Variants in ADD1 observed in about 807,000 individuals in gnomAD.
The protein encoded by ADD1 is adducin 1, also known as alpha-adducin.
ADD1 carries 24 observed loss-of-function variants against 80.5 expected under a neutral mutation model. The observed-to-expected ratio is 0.30, with a 90% confidence interval of 0.22 to 0.42. ADD1 has a LOEUF of 0.42. ADD1 is among the 10% of genes least tolerant of loss of function. The pLI is 1.00. For synonymous variants in ADD1, 373 were observed against 393.8 expected (o/e 0.95, Z 0.63); for missense variants, 948 against 1,019.0 (o/e 0.93, Z 0.95).
At chr4:2,903,532 T>G (rs1165890252) in intron 9 of ADD1, among the ~76,000 whole-genome samples, 2 of 152,190 alleles carry the variant, frequency 1.3e-5, no homozygotes, top group African/African-American at 4.8e-5. Flanking sequence ...TCTTCTAGAC[T>G]GGGGACAGAA....
chr4:2,890,954 A>G (rs1218724105), intron 4 of ADD1, among the ~76,000 whole-genome samples: 1 of 152,132 alleles, frequency 6.6e-6, no homozygotes. Context: ...GAGCTTAGCA[A>G]TTAGACAACT....
intron 2 of ADD1, among the ~76,000 whole-genome samples, chr4:2,879,382 G>A (rs2097081): frequency 0.16 from 24,118 of 152,090 alleles, 2,375 homozygotes; most frequent in East Asian, 0.48. Context: ...GGATGGCAAG[G>A]ACCATATTAT....
At chr4:2,906,923 C>T (rs528067262) in intron 10 of ADD1, among the ~76,000 whole-genome samples, 3 of 152,026 alleles carry the variant, frequency 2.0e-5, no homozygotes, top group African/African-American at 4.8e-5. Flanking sequence ...CATTTGCTCT[C>T]GAAGATGGGC....
intron 1 of ADD1, among the ~76,000 whole-genome samples, chr4:2,874,464 G>A (rs903243481): frequency 1.3e-5 from 2 of 151,804 alleles, no homozygotes; most frequent in South Asian, 2.1e-4. Context: ...AAAATTACCC[G>A]GGTGTGGTGG....
chr4:2,851,946 A>T (rs536153860), intron 1 of ADD1, among the ~76,000 whole-genome samples: 1 of 152,022 alleles, frequency 6.6e-6, no homozygotes, highest in African/African-American at 2.4e-5. Flanking sequence ...GGTTCAAGCA[A>T]TTCTACTTCA....
intron 2 of ADD1, among the ~76,000 whole-genome samples, chr4:2,877,820 A>G (rs1346800929): frequency 6.6e-6 from 1 of 152,182 alleles, no homozygotes. Context: ...TACCAAAAAT[A>G]TAAAAATTAG....
intron 1 of ADD1, among the ~76,000 whole-genome samples, chr4:2,857,678 A>T (rs144271483): frequency 6.6e-6 from 1 of 152,190 alleles, no homozygotes; most frequent in Non-Finnish European, 1.5e-5. Context: ...GGAAATAGTG[A>T]TTGGGCACTA....
At chr4:2,880,017 A>G (rs1196209819) in intron 2 of ADD1, among the ~76,000 whole-genome samples, 1 of 152,138 alleles carries the variant, frequency 6.6e-6, no homozygotes, top group Non-Finnish European at 1.5e-5. Context: ...CGCCTGCCCT[A>G]TCTTTATTTG....
At position 2,926,436 on chromosome 4, in the gene ADD1, C is replaced by T. The variant is rs1178800731; in HGVS notation, c.2047+324C>T. The T allele has an allele frequency of 2.2e-5, 15 of 694,142 alleles. No individual in the cohort carries two copies. The highest frequency in any genetic ancestry group is 5.3e-5 in the African/African-American group (3 of 57,106). 43.0% of individuals were successfully genotyped at this position (694,142 alleles called of 1,614,324 possible). On this transcript the variant is annotated intron_variant, in intron 15 of 15. Coordinates refer to ENST00000683351, the MANE Select transcript of ADD1 (RefSeq NM_001354761.2). The surrounding 1 kb of genome is among the most constrained non-coding windows in gnomAD (Gnocchi z 5.0). ...AGATGCCACCTTCGGAGGTGCCCTC[C>T]GCTGTGTGAGCCACACGCCGGCTGC...
chr4:2,856,336 C>G (rs1459807419), intron 1 of ADD1, among the ~76,000 whole-genome samples: 2 of 152,052 alleles, frequency 1.3e-5, no homozygotes, highest in East Asian at 3.8e-4. Flanking sequence ...GTTTGTTATT[C>G]CCTTGTAGGT....
intron 6 of ADD1, among the ~76,000 whole-genome samples, chr4:2,896,821 C>T (rs767117525): frequency 2.4e-4 from 36 of 152,144 alleles, no homozygotes; most frequent in East Asian, 5.8e-4. Flanking sequence ...TGCAGTGGCA[C>T]GATCTTGGCT....
intron 1 of ADD1, among the ~76,000 whole-genome samples, chr4:2,855,405 A>G (rs1727909171): frequency 6.6e-6 from 1 of 151,772 alleles, no homozygotes; most frequent in African/African-American, 2.4e-5. Context: ...TTTTTAAACA[A>G]CTGGGAGTTG....
At chr4:2,871,447 T>C (rs1201387241) in intron 1 of ADD1, among the ~76,000 whole-genome samples, 1 of 152,224 alleles carries the variant, frequency 6.6e-6, no homozygotes, top group Non-Finnish European at 1.5e-5. Flanking sequence ...AAACATTAAA[T>C]AAAAACATAA....
chr4:2,856,380 A>T (rs972519838), intron 1 of ADD1, among the ~76,000 whole-genome samples: 2 of 151,568 alleles, frequency 1.3e-5, no homozygotes, highest in African/African-American at 4.9e-5. Flanking sequence ...TTCTGTTAGA[A>T]TTTTCTTTTC....
rs60560858 is a variant in ADD1, at chr4:2,852,207, C to CCTTTCCTTTCTTTCCTTTCTTTCCTTT, written c.-21+8189_-21+8215dup. Among the ~76,000 whole-genome samples the CCTTTCCTTTCTTTCCTTTCTTTCCTTT allele has an allele frequency of 4.2e-3, 276 of 66,106 alleles. 2 individuals carry two copies. Among genetic ancestry groups the CCTTTCCTTTCTTTCCTTTCTTTCCTTT allele is most frequent in the African/African-American group, 0.014 (234 of 16,662 alleles). 43.4% of individuals were successfully genotyped at this position (66,106 alleles called of 152,430 possible). ...CTTTCTTTCTTTCTTTCCTTTCTTT[C>CCTTTCCTTTCTTTCCTTTCTTTCCTTT]CTTTCCTTTCTTTCCTTTCTTTCCT... On this transcript the variant is annotated intron_variant, in intron 1 of 15. Transcript: ENST00000683351.
chr4:2,928,486 C>T lies in ADD1; in HGVS notation c.2363C>T (p.Ser788Phe). 6.2e-7 allele frequency: 1 copy of T among 1,613,682 alleles called. No individual in the cohort carries two copies. The highest frequency in any genetic ancestry group is 2.2e-5 in the East Asian group (1 of 44,880). ...SKKKKKFRTP[S>F]FLKKSKKKSD... ...AAGAAGAAGAAGTTCCGTACCCCGT[C>T]CTTTCTGAAGAAGAGCAAGAAGAAG... Residue 788 changes from serine (S) to phenylalanine (F), a missense_variant, in exon 16 of 16, where the codon TCC becomes TTC. Physicochemically the swap from Ser to Phe is radical, Grantham distance 155. Coordinates refer to ENST00000683351, the MANE Select transcript of ADD1 (RefSeq NM_001354761.2).
At position 2,929,234 on chromosome 4, in the gene ADD1, G is replaced by A. The variant is rs1560274468; in HGVS notation, c.*711G>A. 6.6e-6 allele frequency: 1 copy of A among 152,244 alleles called. No homozygotes were observed. The highest frequency in any genetic ancestry group is 1.5e-5 in the Non-Finnish European group (1 of 68,054). 9.4% of individuals were successfully genotyped at this position (152,244 alleles called of 1,614,324 possible). A position where few individuals can be genotyped will look rare whatever the true frequency, so the allele number is the denominator to read the frequency against. On this transcript the variant is annotated 3_prime_UTR_variant, in exon 16 of 16. Transcript: ENST00000683351. ...TAGGGAAGGTATATCAGGAGGGGAA[G>A]AGGCCTTTCTAGAATTTTCTTTGAG...
intron 14 of ADD1, among the ~76,000 whole-genome samples, chr4:2,923,620 C>T (rs560344886): frequency 7.9e-5 from 12 of 152,378 alleles, no homozygotes; most frequent in South Asian, 2.1e-4. Context: ...TGTCTCTTTA[C>T]GAACACAGTA....
intron 1 of ADD1, chr4:2,853,275 T>G (rs1727591183): frequency 6.6e-6 from 1 of 151,790 alleles, no homozygotes; most frequent in African/African-American, 2.4e-5. Flanking sequence ...CCAGCTAATT[T>G]TTATAATTTT....
Sources: allele counts gnomAD v4.1 joint callset (sites outside exome capture counted in the v4.1 genomes callset), GRCh38; gene constraint gnomAD v4.1.1; non-coding constraint Gnocchi (gnomAD v3.1); transcripts MANE v1.5; gene names NCBI Gene and HGNC (gene_info 2026-07-23, HGNC 2026-07-21).